FBXO11: variants seen among roughly 807,000 people sequenced by gnomAD.
FBXO11 encodes the protein F-box protein 11.
FBXO11 carries 13 observed loss-of-function variants against 117.0 expected under a neutral mutation model. The ratio of observed to expected loss-of-function variants is 0.11; its 90% CI spans 0.07 to 0.18. FBXO11 has a LOEUF of 0.18. Ranked by LOEUF, FBXO11 falls within the 10% of genes least tolerant of loss-of-function variation. The pLI is 1.00. For synonymous variants in FBXO11, 490 were observed against 380.5 expected (o/e 1.29, Z -3.35); for missense variants, 767 against 1,164.4 (o/e 0.66, Z 4.97).
chr2:47,876,504 A>G (rs1572889556), intron 1 of FBXO11, among the ~76,000 whole-genome samples: 1 of 152,170 alleles, frequency 6.6e-6, no homozygotes, highest in South Asian at 2.1e-4. Context: ...TTGCTGACAG[A>G]TAATAGTTTA....
chr2:47,888,931 G>A (rs1018435673), intron 1 of FBXO11, among the ~76,000 whole-genome samples: 4 of 151,934 alleles, frequency 2.6e-5, no homozygotes, highest in South Asian at 2.1e-4. Context: ...GTACTTAATC[G>A]CACCCAGTTT....
rs559470050 is a variant in FBXO11 at position 47,867,596 on chromosome 2, T to G, written c.233-27827A>C. 5.9e-5 allele frequency among the ~76,000 whole-genome samples: 9 copies of G among 152,334 alleles called. No homozygotes were observed. The South Asian group carries it at 1.9e-3, about 32-fold the overall frequency. ...AAAAGGTTAAATGTTTTTAGTGATATAGATTTGAGAAATTATTAATTCTAA... is the reference window on the plus strand; with the variant it reads ...AAAAGGTTAAATGTTTTTAGTGATAGAGATTTGAGAAATTATTAATTCTAA... On this transcript the variant is annotated intron_variant, in intron 1 of 22. Transcript: ENST00000403359.
intron 1 of FBXO11, among the ~76,000 whole-genome samples, chr2:47,857,233 C>A (rs187445384): frequency 1.3e-5 from 2 of 152,080 alleles, no homozygotes; most frequent in Non-Finnish European, 1.5e-5. Flanking sequence ...AAACAACACA[C>A]CATTTGTTTG....
At chr2:47,837,068 G>A (rs1392054933) in intron 4 of FBXO11, 1 of 234,840 alleles carries the variant, frequency 4.3e-6, no homozygotes. Flanking sequence ...AAAATACTTT[G>A]AACTTAATTT....
intron 13 of FBXO11, among the ~76,000 whole-genome samples, chr2:47,820,929 G>A (rs1054011031): frequency 6.6e-6 from 1 of 152,178 alleles, no homozygotes; most frequent in African/African-American, 2.4e-5. Context: ...GGCACATATT[G>A]GTGTCTGGCA....
At chr2:47,902,734 T>G (rs1678391098) in intron 1 of FBXO11, among the ~76,000 whole-genome samples, 1 of 152,154 alleles carries the variant, frequency 6.6e-6, no homozygotes, top group Admixed American at 6.5e-5. Flanking sequence ...TTATTACCAC[T>G]AAAGAACCTG....
intron 1 of FBXO11, among the ~76,000 whole-genome samples, chr2:47,860,143 T>C (rs1339082031): frequency 6.6e-6 from 1 of 152,202 alleles, no homozygotes; most frequent in African/African-American, 2.4e-5. Context: ...TTTAGAACTA[T>C]GCTATGCTGC....
intron 11 of FBXO11, among the ~76,000 whole-genome samples, chr2:47,827,409 T>C (rs1572794406): frequency 6.6e-6 from 1 of 150,750 alleles, no homozygotes. Context: ...TGGGTTCAAG[T>C]GATTCTCCTG....
rs1055529719 is a variant in FBXO11, at chr2:47,807,023, T to C, written c.*1095A>G. The stretch of plus-strand genomic sequence containing the variant: ...TTATCTACCTTCTACATAATGGTTA[T>C]TGAATACTCCACAATATATTAAGTC... On this transcript the variant is annotated 3_prime_UTR_variant, in exon 23 of 23. Transcript: ENST00000403359. 2.9e-5 allele frequency: 19 copies of C among 650,976 alleles called. No individual in the cohort carries two copies. Among genetic ancestry groups the C allele is most frequent in the Non-Finnish European group, 4.6e-5 (17 of 369,620 alleles). 40.3% of individuals were successfully genotyped at this position (650,976 alleles called of 1,614,324 possible). A position where few individuals can be genotyped will look rare whatever the true frequency, so the allele number is the denominator to read the frequency against.
rs1437324038 is a variant in FBXO11, at chr2:47,834,934, T to C, written c.718-63A>G. 3 of 1,152,136 alleles carry C rather than the reference T, an allele frequency of 2.6e-6. No homozygotes were observed. In the African/African-American group the frequency reaches 4.7e-5, roughly 18 times the overall value. The allele number at this position is 1,152,136 out of a possible 1,614,324, so 71.4% of individuals were successfully genotyped here. On this transcript the variant is annotated intron_variant, in intron 5 of 22. Coordinates refer to ENST00000403359, the MANE Select transcript of FBXO11 (RefSeq NM_001190274.2). Reference sequence around the variant, plus strand: ...AACATAAACCTTATATTTAAATTAATGTACAATTGCATGAACAACTTTTAT... The same window carrying C: ...AACATAAACCTTATATTTAAATTAACGTACAATTGCATGAACAACTTTTAT...
rs145715117 is a variant in FBXO11 at position 47,852,564 on chromosome 2, G to C, written c.233-12795C>G. Among the ~76,000 whole-genome samples, 179 of 152,260 alleles carry C rather than the reference G, an allele frequency of 1.2e-3. 2 individuals carry two copies. In the East Asian group the frequency reaches 0.029, roughly 25 times the overall value. On this transcript the variant is annotated intron_variant, in intron 1 of 22. Transcript: ENST00000403359. Reference sequence around the variant, plus strand: ...TAAATGGTAGCAAAATAATTTTTAAGTCAATGGACTCTAGATATGATGTTT... The same window carrying C: ...TAAATGGTAGCAAAATAATTTTTAACTCAATGGACTCTAGATATGATGTTT...
intron 1 of FBXO11, among the ~76,000 whole-genome samples, chr2:47,900,493 G>C (rs1204165131): frequency 2.0e-5 from 3 of 151,536 alleles, no homozygotes; most frequent in Non-Finnish European, 4.4e-5. Flanking sequence ...TCTCCTGGCT[G>C]CTGCATATTA....
At chr2:47,851,053 G>A (rs140112401) in intron 1 of FBXO11, among the ~76,000 whole-genome samples, 3,203 of 152,152 alleles carry the variant, frequency 0.021, 65 homozygotes, top group Admixed American at 0.067. Context: ...AGTTCAATTG[G>A]ACAATGTAAT....
At chr2:47,901,408 T>C (rs1012275158) in intron 1 of FBXO11, among the ~76,000 whole-genome samples, 21 of 151,942 alleles carry the variant, frequency 1.4e-4, no homozygotes, top group Non-Finnish European at 2.9e-4. Flanking sequence ...ACATCTATTT[T>C]CAAAAACTCC....
chr2:47,831,452 A>C (rs146322418), intron 11 of FBXO11, among the ~76,000 whole-genome samples: 20,069 of 146,798 alleles, frequency 0.14, 1,559 homozygotes, highest in Non-Finnish European at 0.17. Flanking sequence ...AAAAAAAGAA[A>C]AATGAAAATA....
intron 9 of FBXO11, 25 bp from the exon 10 acceptor site, chr2:47,832,703 T>G: frequency 6.2e-7 from 1 of 1,610,672 alleles, no homozygotes; most frequent in Non-Finnish European, 8.5e-7. Context: ...TTTATTTATG[T>G]AAAAACCTAC....
At chr2:47,849,536 G>A (rs1034135713) in intron 1 of FBXO11, among the ~76,000 whole-genome samples, 1 of 152,172 alleles carries the variant, frequency 6.6e-6, no homozygotes. Context: ...GGTGACACAG[G>A]TCAATCAAAC....
chr2:47,863,597 G>A (rs1052797748), intron 1 of FBXO11, among the ~76,000 whole-genome samples: 1 of 151,964 alleles, frequency 6.6e-6, no homozygotes, highest in South Asian at 2.1e-4. Flanking sequence ...AATATTTTGG[G>A]GTTATGGCAT....
In FBXO11 at chr2:47,839,718, T is replaced by G; in HGVS notation, c.284A>C (p.Gln95Pro). 6.2e-7 allele frequency: 1 copy of G among 1,614,140 alleles called. No individual in the cohort carries two copies. ...TCTACGAAGTTGGTATGGACTATTT[T>G]GTGCACCAGGACCTGATTCTTCTGC... ...MVAEESGPGA[Q>P]NSPYQLRRKT... The change falls in exon 2 of 23, where the codon CAA (glutamine) becomes CCA (proline). Residue 95 changes from glutamine (Q) to proline (P), a missense_variant. Transcript: ENST00000403359.
Sources: gnomAD v4.1 joint callset for allele counts (sites outside exome capture counted in the v4.1 genomes callset) on GRCh38, gnomAD v4.1.1 for gene constraint, MANE v1.5 for transcripts, NCBI Gene and HGNC (gene_info 2026-07-23, HGNC 2026-07-21) for gene names.